Variants in CORO2B observed in about 807,000 individuals in gnomAD.
CORO2B encodes coronin-2B.
A neutral mutation model predicts 58.8 loss-of-function variants in CORO2B; 26 were observed. The observed-to-expected ratio is 0.44, with a 90% CI of 0.32 to 0.61. The LOEUF (loss-of-function observed/expected upper bound fraction) is 0.61, where lower values mean the gene tolerates loss of function less well. CORO2B is among the 20% of genes least tolerant of loss of function. The pLI, the probability that CORO2B is intolerant of heterozygous loss-of-function variation, is 0.04. For missense variants in CORO2B, 460 were observed against 645.1 expected (o/e 0.71, Z 3.11); for synonymous variants, 242 against 253.8 (o/e 0.95, Z 0.44).
chr15:68,567,632 G>GT, the CORO2B span, among the ~76,000 whole-genome samples: 1 of 152,172 alleles, frequency 6.6e-6, no homozygotes, highest in Non-Finnish European at 1.5e-5. Flanking sequence ...TGAAACTACA[G>GT]TTTTTCCAAT....
At chr15:68,571,482 A>T in the CORO2B span, among the ~76,000 whole-genome samples, 3 of 152,250 alleles carry the variant, frequency 2.0e-5, no homozygotes, top group African/African-American at 7.2e-5. Flanking sequence ...GGACCTGAAC[A>T]AGAAAAGATA....
At chr15:68,533,663 A>G in the CORO2B span, among the ~76,000 whole-genome samples, 152 of 152,348 alleles carry the variant, frequency 1.0e-3, no homozygotes, top group African/African-American at 3.6e-3. Flanking sequence ...AGGTCAGGAA[A>G]TTGAGTAGCC....
chr15:68,550,862 C>T, the CORO2B span, among the ~76,000 whole-genome samples: 2 of 151,496 alleles, frequency 1.3e-5, no homozygotes, highest in African/African-American at 4.9e-5. Flanking sequence ...TGTGTTCCTG[C>T]AGCCATGAGA....
At chr15:68,674,584 C>T (rs1417442645) in intron 2 of CORO2B, among the ~76,000 whole-genome samples, 2 of 152,166 alleles carry the variant, frequency 1.3e-5, no homozygotes, top group Non-Finnish European at 2.9e-5. Context: ...AGCAAGTGCC[C>T]TCCCCAAACT....
chr15:68,589,328 G>A (rs1235521001), intron 1 of CORO2B, among the ~76,000 whole-genome samples: 1 of 152,196 alleles, frequency 6.6e-6, no homozygotes, highest in East Asian at 1.9e-4. Context: ...AGCTTTCACA[G>A]CATTCATCAA....
At chr15:68,572,308 A>G in the CORO2B span, among the ~76,000 whole-genome samples, 3 of 152,160 alleles carry the variant, frequency 2.0e-5, no homozygotes, top group African/African-American at 7.2e-5. Context: ...TGAAATGTCA[A>G]TGCTACTGTC....
At chr15:68,640,080 C>T (rs147255248) in intron 1 of CORO2B, among the ~76,000 whole-genome samples, 4 of 152,160 alleles carry the variant, frequency 2.6e-5, no homozygotes, top group South Asian at 2.1e-4. Flanking sequence ...TCCCTGCCTG[C>T]GCACCCATGC....
intron 2 of CORO2B, among the ~76,000 whole-genome samples, chr15:68,671,927 A>C (rs886782960): frequency 1.3e-5 from 2 of 152,196 alleles, no homozygotes; most frequent in African/African-American, 4.8e-5. Context: ...CCCAGGGTTA[A>C]AGTGCTTAAC....
chr15:68,558,352 C>T, the CORO2B span, among the ~76,000 whole-genome samples: 1 of 151,910 alleles, frequency 6.6e-6, no homozygotes, highest in African/African-American at 2.4e-5. Flanking sequence ...GAGAGGAGAG[C>T]AAAAACTCCC....
chr15:68,547,769 A>G, the CORO2B span, among the ~76,000 whole-genome samples: 13 of 152,228 alleles, frequency 8.5e-5, no homozygotes, highest in African/African-American at 2.9e-4. Flanking sequence ...CAATTTAAAA[A>G]TTACTTTACA....
chr15:68,722,041 C>A (rs1466662421), intron 11 of CORO2B, among the ~76,000 whole-genome samples: 1 of 152,208 alleles, frequency 6.6e-6, no homozygotes, highest in Non-Finnish European at 1.5e-5. Context: ...TCATGAGACA[C>A]TGCGCCCAGC....
At chr15:68,647,709 A>G (rs1901484843) in intron 2 of CORO2B, among the ~76,000 whole-genome samples, 1 of 150,362 alleles carries the variant, frequency 6.7e-6, no homozygotes, top group African/African-American at 2.5e-5. Context: ...AAAAGAAAGA[A>G]AGAAAGAAGG....
intron 1 of CORO2B, among the ~76,000 whole-genome samples, chr15:68,580,293 C>G (rs1566976910): frequency 6.6e-6 from 1 of 151,974 alleles, no homozygotes; most frequent in African/African-American, 2.4e-5. Context: ...GGGCCAGACT[C>G]CACCCTTTCC....
chr15:68,522,436 T>A, the CORO2B span, among the ~76,000 whole-genome samples: 1 of 152,162 alleles, frequency 6.6e-6, no homozygotes, highest in Non-Finnish European at 1.5e-5. Context: ...TTGAGCCATC[T>A]ATTGAATTCT....
intron 1 of CORO2B, among the ~76,000 whole-genome samples, chr15:68,634,030 A>G (rs778162417): frequency 8.5e-5 from 13 of 152,264 alleles, no homozygotes; most frequent in Non-Finnish European, 1.6e-4. Flanking sequence ...GAGCCTCGGC[A>G]GTGGCAGCTA....
At chr15:68,620,303 GT>G (rs1900482425) in intron 1 of CORO2B, among the ~76,000 whole-genome samples, 1 of 152,170 alleles carries the variant, frequency 6.6e-6, no homozygotes, top group African/African-American at 2.4e-5. Flanking sequence ...TTAGAATGAT[GT>G]TTGTACAGAT....
chr15:68,683,618 G>A (rs1160229119), intron 2 of CORO2B, among the ~76,000 whole-genome samples: 1 of 152,108 alleles, frequency 6.6e-6, no homozygotes. Flanking sequence ...TGGATATTGG[G>A]AGCCTCACCT....
At chr15:68,704,151 G>A (rs113354465) in intron 3 of CORO2B, among the ~76,000 whole-genome samples, 4,764 of 151,302 alleles carry the variant, frequency 0.031, 231 homozygotes, top group African/African-American at 0.11. Context: ...GAGGTGGGAG[G>A]ATGGCTTGAT....
At chr15:68,558,555 T>C in the CORO2B span, among the ~76,000 whole-genome samples, 1 of 152,108 alleles carries the variant, frequency 6.6e-6, no homozygotes, top group Admixed American at 6.6e-5. Flanking sequence ...TTATTATTTT[T>C]TGTAGAAATG....
Sources: allele counts gnomAD v4.1 joint callset (sites outside exome capture counted in the v4.1 genomes callset), GRCh38; gene constraint gnomAD v4.1.1; transcripts MANE v1.5; gene names NCBI Gene and HGNC (gene_info 2026-07-23, HGNC 2026-07-21).